The following CDH12 variants were observed in gnomAD, a reference collection of about 807,000 sequenced individuals.
CDH12 encodes the protein cadherin-12.
In CDH12, 41 loss-of-function variants were observed where a neutral mutation model predicts 74.1. That is an observed-to-expected ratio of 0.55 (90% CI 0.43 to 0.72). The LOEUF is 0.72. Ranked by LOEUF, CDH12 falls within the 30% of genes least tolerant of loss-of-function variation. The pLI, the probability that CDH12 is intolerant of heterozygous loss-of-function variation, is 0.00. For missense variants in CDH12, 945 were observed against 977.2 expected (o/e 0.97, Z 0.44); for synonymous variants, 399 against 355.0 (o/e 1.12, Z -1.39).
At chr5:21,865,876 G>A (rs1001029481) in intron 6 of CDH12, among the ~76,000 whole-genome samples, 5 of 152,134 alleles carry the variant, frequency 3.3e-5, no homozygotes, top group African/African-American at 1.2e-4. Context: ...ATATGGTTTT[G>A]TTGTGTTCCC....
intron 5 of CDH12, among the ~76,000 whole-genome samples, chr5:22,066,230 C>A (rs4314367): frequency 6.6e-6 from 1 of 151,760 alleles, no homozygotes; most frequent in Non-Finnish European, 1.5e-5. Flanking sequence ...AGTTCTTTAG[C>A]GGTGATTTGT....
At chr5:22,025,329 T>C (rs1027885972) in intron 5 of CDH12, among the ~76,000 whole-genome samples, 3 of 152,280 alleles carry the variant, frequency 2.0e-5, no homozygotes, top group South Asian at 2.1e-4. Flanking sequence ...AAAGGAAATA[T>C]TGCAATAAAG....
intron 1 of CDH12, among the ~76,000 whole-genome samples, chr5:22,823,590 T>A (rs1275748476): frequency 6.6e-6 from 1 of 152,082 alleles, no homozygotes; most frequent in Non-Finnish European, 1.5e-5. Context: ...CTAATACAAA[T>A]CCTGATATGG....
At chr5:22,816,777 G>A (rs1749415961) in intron 1 of CDH12, among the ~76,000 whole-genome samples, 1 of 152,098 alleles carries the variant, frequency 6.6e-6, no homozygotes, top group Non-Finnish European at 1.5e-5. Flanking sequence ...CTTTAAGTCA[G>A]TGGGAGGTAA....
intron 1 of CDH12, among the ~76,000 whole-genome samples, chr5:22,839,901 C>G (rs960320953): frequency 6.6e-6 from 1 of 152,152 alleles, no homozygotes. Flanking sequence ...AATTTATCCT[C>G]TACCACCATT....
intron 1 of CDH12, among the ~76,000 whole-genome samples, chr5:22,837,792 T>C (rs1736899095): frequency 6.6e-6 from 1 of 152,162 alleles, no homozygotes; most frequent in Non-Finnish European, 1.5e-5. Context: ...AGCTGTTGAG[T>C]CATAATATGA....
At chr5:22,497,919 A>T (rs1747171443) in intron 2 of CDH12, among the ~76,000 whole-genome samples, 1 of 152,190 alleles carries the variant, frequency 6.6e-6, no homozygotes, top group South Asian at 2.1e-4. Context: ...CTGGGATTAC[A>T]GGGATGAGCC....
intron 5 of CDH12, among the ~76,000 whole-genome samples, chr5:22,012,029 G>C (rs1033802575): frequency 4.6e-5 from 7 of 151,826 alleles, no homozygotes; most frequent in African/African-American, 1.7e-4. Context: ...GCAGATTAAT[G>C]GTTTAAATAT....
intron 1 of CDH12, among the ~76,000 whole-genome samples, chr5:22,687,631 T>C (rs1741880749): frequency 6.6e-6 from 1 of 152,094 alleles, no homozygotes; most frequent in Non-Finnish European, 1.5e-5. Flanking sequence ...CCCAGACCGG[T>C]CTTGAGCTCC....
chr5:22,140,642 A>T (rs1250840657), intron 4 of CDH12, among the ~76,000 whole-genome samples: 4 of 152,168 alleles, frequency 2.6e-5, no homozygotes, highest in African/African-American at 9.7e-5. Flanking sequence ...AAATTGAATC[A>T]TATCCTGAGC....
intron 4 of CDH12, among the ~76,000 whole-genome samples, chr5:22,085,175 ATT>A (rs34840296): frequency 4.0e-5 from 6 of 149,378 alleles, no homozygotes; most frequent in African/African-American, 1.2e-4. Context: ...AGCAGGAGGG[ATT>A]TTTTTTTTTA....
intron 4 of CDH12, among the ~76,000 whole-genome samples, chr5:22,118,425 T>A (rs1360289272): frequency 6.6e-6 from 1 of 152,222 alleles, no homozygotes; most frequent in East Asian, 1.9e-4. Context: ...CTTGCTACAA[T>A]AACCTCTTGT....
At chr5:22,528,256 A>G (rs1049866520) in intron 1 of CDH12, among the ~76,000 whole-genome samples, 5 of 152,124 alleles carry the variant, frequency 3.3e-5, no homozygotes, top group South Asian at 2.1e-4. Context: ...AAAAGCAGAG[A>G]GGTCACTTCC....
intron 3 of CDH12, among the ~76,000 whole-genome samples, chr5:22,325,516 A>G (rs151127424): frequency 2.0e-4 from 31 of 152,330 alleles, no homozygotes; most frequent in East Asian, 7.7e-4. Flanking sequence ...AATTTACAGT[A>G]TCAGAGATCC....
chr5:21,752,573 C>T (rs1744159168), intron 14 of CDH12, among the ~76,000 whole-genome samples: 1 of 152,114 alleles, frequency 6.6e-6, no homozygotes, highest in African/African-American at 2.4e-5. Flanking sequence ...TATAAGAAAA[C>T]TTGAATATTA....
At chr5:22,273,851 G>A (rs1030851567) in intron 3 of CDH12, among the ~76,000 whole-genome samples, 1 of 151,938 alleles carries the variant, frequency 6.6e-6, no homozygotes, top group Non-Finnish European at 1.5e-5. Context: ...AACTTAAAAC[G>A]TGCAAAAACA....
chr5:22,176,764 A>C (rs1385385425), intron 4 of CDH12, among the ~76,000 whole-genome samples: 1 of 151,638 alleles, frequency 6.6e-6, no homozygotes, highest in Non-Finnish European at 1.5e-5. Flanking sequence ...AGATCATACC[A>C]CTCTTCTGCT....
At chr5:22,130,941 C>A (rs1239610554) in intron 4 of CDH12, among the ~76,000 whole-genome samples, 3 of 151,542 alleles carry the variant, frequency 2.0e-5, no homozygotes, top group East Asian at 3.9e-4. Context: ...CATACATGTG[C>A]ATTATTTTGT....
At chr5:22,795,614 C>T (rs534957321) in intron 1 of CDH12, among the ~76,000 whole-genome samples, 4 of 151,374 alleles carry the variant, frequency 2.6e-5, no homozygotes, top group Non-Finnish European at 5.9e-5. Flanking sequence ...CACACAAACA[C>T]ACATCTCATC....
Sources: gnomAD v4.1 joint callset for allele counts (sites outside exome capture counted in the v4.1 genomes callset) on GRCh38, gnomAD v4.1.1 for gene constraint, MANE v1.5 for transcripts, NCBI Gene and HGNC (gene_info 2026-07-23, HGNC 2026-07-21) for gene names.